COLEC10: variants seen among roughly 807,000 people sequenced by gnomAD.
COLEC10 encodes collectin-10.
In COLEC10, 22 loss-of-function variants were observed where a neutral mutation model predicts 28.4. The ratio of observed to expected loss-of-function variants is 0.78; its 90% CI spans 0.55 to 1.11. COLEC10 has a LOEUF of 1.11. COLEC10 is among the 50% of genes least tolerant of loss of function. COLEC10 has a pLI of 0.00. For synonymous variants in COLEC10, 125 were observed against 116.1 expected, an observed-to-expected ratio of 1.08 and a Z score of -0.49; for missense variants, 361 against 344.1, an observed-to-expected ratio of 1.05 and a Z score of -0.39.
chr8:119,067,931 G>T (rs1173197831), intron 1 of COLEC10: 1 of 152,356 alleles, frequency 6.6e-6, no homozygotes, highest in Non-Finnish European at 1.5e-5. Context: ...ATTTTGTCAA[G>T]CATTGAAGGT....
chr8:118,980,522 A>G, the COLEC10 span, among the ~76,000 whole-genome samples: 1 of 151,656 alleles, frequency 6.6e-6, no homozygotes. Context: ...CTGTAGTCTT[A>G]TTTTTTTTAT....
chr8:118,996,480 A>G (rs1813592484), intron 1 of COLEC10, among the ~76,000 whole-genome samples: 2 of 152,156 alleles, frequency 1.3e-5, no homozygotes, highest in African/African-American at 4.8e-5. Context: ...TCTCACCAAC[A>G]GTATATAAGA....
intron 1 of COLEC10, among the ~76,000 whole-genome samples, chr8:119,002,000 C>G (rs560342679): frequency 6.6e-6 from 1 of 152,118 alleles, no homozygotes; most frequent in Non-Finnish European, 1.5e-5. Flanking sequence ...CAAATATGAG[C>G]TTAGCTCTAT....
intron 3 of COLEC10, among the ~76,000 whole-genome samples, chr8:119,099,439 T>C (rs1815780773): frequency 6.6e-6 from 1 of 152,162 alleles, no homozygotes; most frequent in East Asian, 1.9e-4. Context: ...CTTAATGATC[T>C]CATAATTTTA....
the COLEC10 span, among the ~76,000 whole-genome samples, chr8:118,968,337 C>T: frequency 6.6e-6 from 1 of 151,780 alleles, no homozygotes; most frequent in Non-Finnish European, 1.5e-5. Flanking sequence ...AATCTTTGCT[C>T]TTATCCCTAA....
the COLEC10 span, among the ~76,000 whole-genome samples, chr8:118,964,301 C>A: frequency 6.6e-6 from 1 of 152,106 alleles, no homozygotes; most frequent in East Asian, 1.9e-4. Context: ...TCCTTTCTAT[C>A]CCCCAAGATT....
chr8:118,986,931 T>C, the COLEC10 span, among the ~76,000 whole-genome samples: 1 of 152,160 alleles, frequency 6.6e-6, no homozygotes, highest in Non-Finnish European at 1.5e-5. Flanking sequence ...GGATTTCTTT[T>C]AGGGTGTTGA....
chr8:119,103,753 G>A, intron 4 of COLEC10, 47 bp from the exon 5 acceptor site: 1 of 1,119,540 alleles, frequency 8.9e-7, no homozygotes, highest in Non-Finnish European at 1.4e-6. Context: ...CTTTCCACTG[G>A]TCTGCAGGTA....
chr8:118,970,036 C>T, the COLEC10 span, among the ~76,000 whole-genome samples: 1 of 152,004 alleles, frequency 6.6e-6, no homozygotes, highest in Non-Finnish European at 1.5e-5. Flanking sequence ...TTGCAATCCT[C>T]TGATGTCTGA....
rs1290690048 is a variant in COLEC10 at position 119,103,859 on chromosome 8, G to A, written c.406G>A (p.Ala136Thr). Residue 136 changes from alanine to threonine, a missense_variant, in exon 5 of 6, where the codon GCT (alanine) becomes ACT (threonine). This residue lies in a region of COLEC10 where 335 missense variants were observed against 308.5 expected (regional missense o/e 1.09). Transcript: ENST00000332843. ...TGTTGGACAACTGGATATTAGTATT[G>A]CTCGGCTCAAGACATCTATGAAGTT... is the stretch of plus-strand genomic sequence containing the variant. Reference protein sequence around the residue: ...KFVGQLDISIARLKTSMKFVK... With the variant: ...KFVGQLDISITRLKTSMKFVK... 6.2e-7 allele frequency: 1 copy of A among 1,612,600 alleles called. No homozygotes were observed. The highest frequency in any genetic ancestry group is 8.5e-7 in the Non-Finnish European group (1 of 1,178,898).
At chr8:118,975,331 T>C in the COLEC10 span, among the ~76,000 whole-genome samples, 1 of 152,038 alleles carries the variant, frequency 6.6e-6, no homozygotes, top group Non-Finnish European at 1.5e-5. Flanking sequence ...AGTGCAAACT[T>C]ACACAGCATT....
intron 3 of COLEC10, among the ~76,000 whole-genome samples, chr8:119,102,088 G>A (rs932208694): frequency 7.9e-5 from 12 of 152,122 alleles, no homozygotes; most frequent in African/African-American, 2.7e-4. Context: ...TTAATTAGTT[G>A]CACCTGTGTA....
At chr8:119,099,427 T>G (rs1404035227) in intron 3 of COLEC10, among the ~76,000 whole-genome samples, 2 of 152,080 alleles carry the variant, frequency 1.3e-5, no homozygotes, top group African/African-American at 2.4e-5. Flanking sequence ...TAATTTATTC[T>G]CCTTAATGAT....
chr8:118,988,056 G>A, the COLEC10 span, among the ~76,000 whole-genome samples: 101 of 152,182 alleles, frequency 6.6e-4, no homozygotes, highest in African/African-American at 2.2e-3. Flanking sequence ...CAGAGAGATC[G>A]AGCTGAGATC....
chr8:119,101,965 T>A (rs1277498271), intron 3 of COLEC10, among the ~76,000 whole-genome samples: 1 of 151,100 alleles, frequency 6.6e-6, no homozygotes, highest in Non-Finnish European at 1.5e-5. Context: ...TTAGCCTTGT[T>A]CAGAAGGCCA....
intron 2 of COLEC10, among the ~76,000 whole-genome samples, chr8:119,022,084 C>G (rs1250508330): frequency 3.9e-5 from 6 of 152,076 alleles, no homozygotes; most frequent in African/African-American, 1.4e-4. Flanking sequence ...TCTAGCCTCT[C>G]TGCCAGCAAT....
rs1232170170 is a variant in COLEC10 at position 119,102,346 on chromosome 8, A to C, written c.293-2A>C. 6.3e-7 allele frequency: 1 copy of C among 1,578,538 alleles called. No homozygotes were observed. The highest frequency in any genetic ancestry group is 8.6e-7 in the Non-Finnish European group (1 of 1,160,038). ...ATTTTGGTTGCTATTGTTTTTTTTC[A>C]GGTGACAAAGGGGAAAAAGGTTTGC... On this transcript the variant is annotated splice_acceptor_variant, in intron 3 of 5. Transcript: ENST00000332843. LOFTEE classifies it high-confidence loss of function.
At chr8:119,033,749 T>C (rs1457442922) in intron 2 of COLEC10, among the ~76,000 whole-genome samples, 2 of 152,196 alleles carry the variant, frequency 1.3e-5, no homozygotes, top group African/African-American at 4.8e-5. Context: ...TAACAGATGC[T>C]GGAGAGGTTC....
intron 1 of COLEC10, chr8:119,068,146 A>G (rs1815010513): frequency 6.6e-6 from 1 of 152,144 alleles, no homozygotes; most frequent in South Asian, 2.1e-4. Flanking sequence ...TGCACTGCAG[A>G]TTGGTGCTCC....
Sources: gnomAD v4.1 joint callset for allele counts (sites outside exome capture counted in the v4.1 genomes callset) on GRCh38, gnomAD v4.1.1 for gene constraint, gnomAD v4.1.1 regional missense constraint, MANE v1.5 for transcripts, NCBI Gene and HGNC (gene_info 2026-07-23, HGNC 2026-07-21) for gene names.